SYCP2: variants seen among roughly 807,000 people sequenced by gnomAD.
The protein encoded by SYCP2 is synaptonemal complex lateral element protein.
In SYCP2, 55 loss-of-function variants were observed where a neutral mutation model predicts 211.3. The ratio of observed to expected loss-of-function variants is 0.26; its 90% CI spans 0.21 to 0.33. SYCP2 has a LOEUF of 0.33. SYCP2 is among the 10% of genes least tolerant of loss of function. The probability of loss-of-function intolerance (pLI) is 1.00; values close to 1 mark genes in which losing one functional copy is unlikely to be tolerated. For synonymous variants in SYCP2, 570 were observed against 555.2 expected (o/e 1.03, Z -0.37); for missense variants, 1,731 against 1,752.0 (o/e 0.99, Z 0.21).
In SYCP2 at chr20:59,866,592, GA is replaced by G. The variant is rs2059341457; in HGVS notation, c.4126-4del. On this transcript the variant is annotated splice_region_variant and splice_polypyrimidine_tract_variant and intron_variant, in intron 39 of 44. Transcript: ENST00000357552. ...TAACTCAACATTTTATGTCGGATCT[GA>G]AAAATACTCATTTTTAAGTTAAAAT... is the stretch of plus-strand genomic sequence containing the variant. 5 of 1,568,964 alleles carry G rather than the reference GA, an allele frequency of 3.2e-6. No individual in the cohort carries two copies. Among genetic ancestry groups the G allele is most frequent in the East Asian group, 4.6e-5 (2 of 43,926 alleles).
At chr20:59,919,301 A>G (rs2060497319) in intron 6 of SYCP2, 119 bp from the exon 7 acceptor site, 2 of 669,792 alleles carry the variant, frequency 3.0e-6, no homozygotes, top group Admixed American at 6.1e-5. Context: ...TCAGAGCATA[A>G]TTACTTTTTA....
At chr20:59,865,522 A>T in intron 43 of SYCP2, 51 bp downstream of exon 43, 1 of 1,575,668 alleles carries the variant, frequency 6.3e-7, no homozygotes, top group Non-Finnish European at 8.7e-7. Context: ...ACATTAACAA[A>T]TTCTTTTTGT....
At chr20:59,870,022 CA>C in intron 35 of SYCP2, 39 bp from the exon 36 acceptor site, 1 of 1,345,160 alleles carries the variant, frequency 7.4e-7, no homozygotes. Flanking sequence ...TAAGAAGTTA[CA>C]AAATTGTTCA....
chr20:59,865,374 C>T lies in SYCP2; in HGVS notation c.4515+14G>A, dbSNP rs1397798059. ...AAAGTATGATTATCCCATTTTCAAA[C>T]TTAGTTGACTTACCATGTCCTTAAG... is the stretch of plus-strand genomic sequence containing the variant. On this transcript the variant is annotated intron_variant, in intron 44 of 44. Coordinates refer to ENST00000357552, the MANE Select transcript of SYCP2 (RefSeq NM_014258.4). The T allele has an allele frequency of 6.3e-7, 1 of 1,594,940 alleles. No homozygotes were observed. Among genetic ancestry groups the T allele is most frequent in the Non-Finnish European group, 8.5e-7 (1 of 1,170,648 alleles).
intron 2 of SYCP2, among the ~76,000 whole-genome samples, chr20:59,928,399 T>C (rs2145908672): frequency 6.6e-6 from 1 of 152,238 alleles, no homozygotes; most frequent in Middle Eastern, 3.4e-3. Flanking sequence ...TTCACTAAAA[T>C]AAACATCTGA....
intron 44 of SYCP2, 95 bp from the exon 45 acceptor site, chr20:59,864,483 G>C: frequency 1.2e-6 from 1 of 822,916 alleles, no homozygotes; most frequent in South Asian, 1.8e-5. Flanking sequence ...GCTGTTATTA[G>C]TGATTCATTT....
chr20:59,923,117 T>C (rs1358595713), intron 2 of SYCP2, among the ~76,000 whole-genome samples: 1 of 151,822 alleles, frequency 6.6e-6, no homozygotes, highest in Non-Finnish European at 1.5e-5. Flanking sequence ...TAATAGAAAA[T>C]ATCCACCAGG....
intron 33 of SYCP2, 140 bp from the exon 34 acceptor site, chr20:59,875,609 T>C: frequency 5.2e-6 from 3 of 577,012 alleles, no homozygotes; most frequent in Non-Finnish European, 2.9e-6. Flanking sequence ...ACATGAGTAG[T>C]GAAAGACTTT....
intron 30 of SYCP2, 26 bp from the exon 31 acceptor site, chr20:59,880,497 GAAGA>G (rs1157787316): frequency 3.7e-6 from 5 of 1,361,462 alleles, no homozygotes; most frequent in Non-Finnish European, 5.0e-6. Flanking sequence ...TGAAATGCAT[GAAGA>G]AATACTACAT....
Position 59,892,310 on chromosome 20 carries a change from T to C in SYCP2, c.2044A>G (p.Ile682Val), listed in dbSNP as rs1205227508. The C allele has an allele frequency of 2.5e-6, 4 of 1,611,704 alleles. No individual in the cohort carries two copies. In the African/African-American group the frequency reaches 5.3e-5, roughly 22 times the overall value. Residue 682 changes from isoleucine (I) to valine (V), a missense_variant, in exon 24 of 45, where the codon ATA becomes GTA. Physicochemically the swap from Ile to Val is conservative, Grantham distance 29. Coordinates refer to ENST00000357552, the MANE Select transcript of SYCP2 (RefSeq NM_014258.4). ...CAAACTTCTACTTCTGCTTTATCTA[T>C]TTTGATATGGTCGGTTTGTTCTTTC... ...YKKEQTDHIKIDKAEVEVCKK... is the reference protein window; with the variant it reads ...YKKEQTDHIKVDKAEVEVCKK...
At chr20:59,901,603 C>A in intron 16 of SYCP2, 59 bp downstream of exon 16, 1 of 1,080,726 alleles carries the variant, frequency 9.3e-7, no homozygotes, top group Non-Finnish European at 1.3e-6. Context: ...AAACTTATAA[C>A]GCCAAACTGT....
At chr20:59,893,401 TCAAA>T (rs1264825409) in intron 21 of SYCP2, 119 bp downstream of exon 21, 33 of 805,332 alleles carry the variant, frequency 4.1e-5, no homozygotes, top group Non-Finnish European at 6.1e-5. Context: ...TTGCACAAAG[TCAAA>T]CAAATTCTTT....
Position 59,914,188 on chromosome 20 carries a change from T to G in SYCP2, c.698A>C (p.Gln233Pro). 4 of 1,605,968 alleles carry G rather than the reference T, an allele frequency of 2.5e-6. No individual in the cohort carries two copies. The highest frequency in any genetic ancestry group is 3.4e-6 in the Non-Finnish European group (4 of 1,174,284). Residue 233 changes from glutamine (Q) to proline (P), a missense_variant, in exon 11 of 45, where the codon CAA (glutamine) becomes CCA (proline). Coordinates refer to ENST00000357552, the MANE Select transcript of SYCP2 (RefSeq NM_014258.4). ...TGAAAACCACTGATGTGCCAGTTCT[T>G]GTCTTTGTTTTTCTGTGGTCATTCT... ...LCRMTTEKQR[Q>P]ELAHQWFSMD...
chr20:59,917,165 A>T (rs2060458768), intron 7 of SYCP2, among the ~76,000 whole-genome samples: 1 of 152,132 alleles, frequency 6.6e-6, no homozygotes, highest in Non-Finnish European at 1.5e-5. Context: ...ATATAGTTCA[A>T]AATTGAAAAC....
chr20:59,885,874 G>T, intron 26 of SYCP2, 54 bp downstream of exon 26: 1 of 1,360,722 alleles, frequency 7.3e-7, no homozygotes, highest in Non-Finnish European at 1.0e-6. Flanking sequence ...AGTGTTTATG[G>T]TCAAATATTG....
intron 2 of SYCP2, among the ~76,000 whole-genome samples, chr20:59,923,770 G>T (rs2060583989): frequency 6.6e-6 from 1 of 151,702 alleles, no homozygotes; most frequent in African/African-American, 2.4e-5. Context: ...GAAAGAATAC[G>T]TAACTACTAA....
rs148079807 is a variant in SYCP2, at chr20:59,878,596, T to G, written c.2942-551A>C. Among the ~76,000 whole-genome samples, 210 of 152,246 alleles carry G rather than the reference T, an allele frequency of 1.4e-3. 1 individual carries two copies. Among genetic ancestry groups the G allele is most frequent in the African/African-American group, 4.9e-3 (203 of 41,568 alleles). On this transcript the variant is annotated intron_variant, in intron 31 of 44. Transcript: ENST00000357552. ...GTATGCTCTCTTATACCATCCTCCG[T>G]GTCCCTTCTGCTAAAAGGTAATTAC... is the stretch of plus-strand genomic sequence containing the variant.
intron 18 of SYCP2, among the ~76,000 whole-genome samples, chr20:59,898,008 G>A (rs1373981853): frequency 6.6e-6 from 1 of 152,168 alleles, no homozygotes; most frequent in Admixed American, 6.5e-5. Flanking sequence ...GGAATCTGAG[G>A]CAGGAGAATC....
chr20:59,925,354 A>G (rs572148586), intron 2 of SYCP2, among the ~76,000 whole-genome samples: 21 of 152,224 alleles, frequency 1.4e-4, no homozygotes, highest in Non-Finnish European at 2.6e-4. Flanking sequence ...CATGTAGCCC[A>G]GAACTTAAAA....
Sources: allele counts gnomAD v4.1 joint callset (sites outside exome capture counted in the v4.1 genomes callset), GRCh38; gene constraint gnomAD v4.1.1; transcripts MANE v1.5; gene names NCBI Gene and HGNC (gene_info 2026-07-23, HGNC 2026-07-21).